CHODL: variants seen among roughly 807,000 people sequenced by gnomAD.
CHODL encodes chondrolectin, also known as transmembrane protein MT75.
Under a neutral mutation model 34.5 loss-of-function variants are expected in CHODL, and 29 were observed. The observed-to-expected ratio is 0.84, with a 90% CI of 0.63 to 1.15. The LOEUF is 1.15. CHODL is among the 50% of genes most tolerant of loss of function. The pLI is 0.00. For synonymous variants in CHODL, 125 were observed against 116.1 expected (o/e 1.08, Z -0.49); for missense variants, 332 against 332.5 (o/e 1.00, Z 0.01).
intron 2 of CHODL, among the ~76,000 whole-genome samples, chr21:18,063,125 CAAGAA>C (rs1335390907): frequency 6.6e-6 from 1 of 152,154 alleles, no homozygotes; most frequent in Admixed American, 6.5e-5. Context: ...ACAAAGTTTA[CAAGAA>C]AAGTGATAGA....
intron 2 of CHODL, among the ~76,000 whole-genome samples, chr21:18,063,842 T>C (rs943798097): frequency 6.6e-6 from 1 of 152,144 alleles, no homozygotes; most frequent in African/African-American, 2.4e-5. Context: ...CTACCTTCTT[T>C]CTCTGCATCC....
intron 1 of CHODL, among the ~76,000 whole-genome samples, chr21:17,973,656 G>A (rs1388359381): frequency 3.3e-5 from 5 of 151,052 alleles, no homozygotes; most frequent in Middle Eastern, 3.4e-3. Context: ...TCCTGACCTC[G>A]TGATCCGCCC....
At chr21:18,243,772 A>C (rs920594671), upstream of CHODL, among the ~76,000 whole-genome samples, 10 of 152,194 alleles carry the variant, frequency 6.6e-5, no homozygotes, top group African/African-American at 2.2e-4. Flanking sequence ...TTATTGTATC[A>C]GTATTTACTT....
At chr21:18,004,268 G>C (rs2824599) in intron 1 of CHODL, among the ~76,000 whole-genome samples, 28,256 of 152,142 alleles carry the variant, frequency 0.19, 3,690 homozygotes, top group African/African-American at 0.37. Flanking sequence ...ACAACACTCT[G>C]TTGCGATCAA....
chr21:18,216,313 A>T (rs2073827597), intron 2 of CHODL, among the ~76,000 whole-genome samples: 1 of 152,160 alleles, frequency 6.6e-6, no homozygotes, highest in Non-Finnish European at 1.5e-5. Context: ...TAGCTATTTT[A>T]AAATAGACGA....
chr21:18,082,254 C>T (rs1207897811), intron 2 of CHODL, among the ~76,000 whole-genome samples: 2 of 152,206 alleles, frequency 1.3e-5, no homozygotes, highest in Non-Finnish European at 2.9e-5. Context: ...TTCCCCTTCA[C>T]CTTCTCCCTT....
chr21:18,106,076 T>C (rs1242126904), intron 2 of CHODL, among the ~76,000 whole-genome samples: 1 of 152,178 alleles, frequency 6.6e-6, no homozygotes, highest in African/African-American at 2.4e-5. Context: ...TGATGATTGG[T>C]CCAGTTGGGG....
chr21:18,190,406 T>A (rs1239459529), intron 2 of CHODL, among the ~76,000 whole-genome samples: 1 of 152,196 alleles, frequency 6.6e-6, no homozygotes, highest in Admixed American at 6.5e-5. Context: ...AAAAAATTGA[T>A]GAACGTAGCA....
At position 18,193,722 on chromosome 21, in the gene CHODL, AAT is replaced by A. The variant is rs1601130733; in HGVS notation, c.-44-62785_-44-62784del. ...GAAAAAAAAAAAAATAAAATAAATA[AAT>A]AAATAAATAAATAAATAAATAAAAA... On this transcript the variant is annotated intron_variant, in intron 2 of 6. Transcript: ENST00000400127. Among the ~76,000 whole-genome samples, 8 of 148,826 alleles carry A rather than the reference AAT, an allele frequency of 5.4e-5. 1 individual carries two copies. The Admixed American group carries it at 5.4e-4, about 10-fold the overall frequency.
chr21:18,238,907 G>A (rs1268890787), intron 2 of CHODL, among the ~76,000 whole-genome samples: 5 of 152,076 alleles, frequency 3.3e-5, no homozygotes, highest in Admixed American at 2.0e-4. Context: ...ACCTATTAGA[G>A]AAGACAGGAA....
intron 1 of CHODL, among the ~76,000 whole-genome samples, chr21:18,248,259 A>G (rs1278036743): frequency 9.9e-5 from 15 of 151,858 alleles, no homozygotes; most frequent in Non-Finnish European, 1.5e-4. Context: ...ACAGTAGCAC[A>G]TACATTAATA....
At chr21:17,978,710 C>G (rs1171736944) in intron 1 of CHODL, among the ~76,000 whole-genome samples, 1 of 144,300 alleles carries the variant, frequency 6.9e-6, no homozygotes, top group Non-Finnish European at 1.5e-5. Flanking sequence ...TGATGAGACT[C>G]CATCTCAAAA....
chr21:18,218,525 G>T (rs2073852513), intron 2 of CHODL, among the ~76,000 whole-genome samples: 1 of 152,096 alleles, frequency 6.6e-6, no homozygotes, highest in African/African-American at 2.4e-5. Context: ...GAGAGAGGCT[G>T]CCACAAAGGT....
At chr21:18,008,770 A>T (rs1000126073) in intron 1 of CHODL, among the ~76,000 whole-genome samples, 1 of 152,208 alleles carries the variant, frequency 6.6e-6, no homozygotes, top group African/African-American at 2.4e-5. Flanking sequence ...TTTTGTAATG[A>T]TAGGGACAGA....
intron 2 of CHODL, among the ~76,000 whole-genome samples, chr21:18,184,565 A>G (rs2073418180): frequency 6.6e-6 from 1 of 152,234 alleles, no homozygotes; most frequent in East Asian, 1.9e-4. Flanking sequence ...ATATAAAACA[A>G]TAAAACAATG....
At chr21:18,205,984 C>T (rs1370015898) in intron 2 of CHODL, among the ~76,000 whole-genome samples, 1 of 152,114 alleles carries the variant, frequency 6.6e-6, no homozygotes, top group Non-Finnish European at 1.5e-5. Context: ...TTTTATTCCA[C>T]TCTGGTCAGA....
At chr21:18,091,007 G>A (rs573351352) in intron 2 of CHODL, among the ~76,000 whole-genome samples, 13 of 152,328 alleles carry the variant, frequency 8.5e-5, no homozygotes, top group Middle Eastern at 3.4e-3. Flanking sequence ...GGCAGTGACC[G>A]TCTGGCCTGC....
At chr21:18,141,385 A>G (rs1735278) in intron 2 of CHODL, among the ~76,000 whole-genome samples, 11,916 of 152,134 alleles carry the variant, frequency 0.078, 1,483 homozygotes, top group African/African-American at 0.26. Flanking sequence ...GAAAAAAGAA[A>G]AAATGTGCCA....
intron 2 of CHODL, among the ~76,000 whole-genome samples, chr21:18,049,862 T>G (rs988715455): frequency 7.9e-5 from 12 of 151,944 alleles, no homozygotes; most frequent in Non-Finnish European, 7.4e-5. Context: ...ATGAATTTTT[T>G]GGGAAACGTA....
Sources: gnomAD v4.1 joint callset for allele counts (sites outside exome capture counted in the v4.1 genomes callset) on GRCh38, gnomAD v4.1.1 for gene constraint, MANE v1.5 for transcripts, NCBI Gene and HGNC (gene_info 2026-07-23, HGNC 2026-07-21) for gene names.